SCHIP1: variants seen among roughly 807,000 people sequenced by gnomAD.
The protein encoded by SCHIP1 is schwannomin interacting protein 1.
SCHIP1 carries 8 observed loss-of-function variants against 29.7 expected under a neutral mutation model. That is an observed-to-expected ratio of 0.27 (90% CI 0.16 to 0.49). The LOEUF (loss-of-function observed/expected upper bound fraction) is 0.49. Among genes scored for constraint, SCHIP1 ranks in the 20% least tolerant of loss-of-function variants. The pLI is 0.99. For missense variants in SCHIP1, 193 were observed against 294.6 expected (o/e 0.66, Z 2.52); for synonymous variants, 76 against 94.9 (o/e 0.80, Z 1.16).
the SCHIP1 span, among the ~76,000 whole-genome samples, chr3:159,751,711 AT>A: frequency 5.3e-5 from 8 of 151,800 alleles, no homozygotes; most frequent in African/African-American, 1.9e-4. Context: ...TGCCCAGCTA[AT>A]TTTTTTGTAT....
At chr3:159,849,241 A>G (rs9851155) in intron 1 of SCHIP1, among the ~76,000 whole-genome samples, 9,093 of 152,178 alleles carry the variant, frequency 0.06, 855 homozygotes, top group African/African-American at 0.2. Context: ...CTATATTACT[A>G]GTACACATAT....
At chr3:159,745,210 C>A in the SCHIP1 span, among the ~76,000 whole-genome samples, 1 of 152,224 alleles carries the variant, frequency 6.6e-6, no homozygotes, top group Non-Finnish European at 1.5e-5. Context: ...AAGTTCCCTG[C>A]ATTTGGTTCC....
chr3:159,797,576 C>CTT, the SCHIP1 span, among the ~76,000 whole-genome samples: 3,689 of 145,356 alleles, frequency 0.025, 59 homozygotes, highest in Middle Eastern at 0.035. Flanking sequence ...ATTTAAAGAT[C>CTT]TTTTTTTTTT....
the SCHIP1 span, among the ~76,000 whole-genome samples, chr3:159,461,438 G>A: frequency 6.6e-6 from 1 of 151,884 alleles, no homozygotes; most frequent in Non-Finnish European, 1.5e-5. Flanking sequence ...GAAAACAAGT[G>A]GCTGAAGAAA....
At chr3:159,877,084 C>T (rs939931491) in intron 2 of SCHIP1, among the ~76,000 whole-genome samples, 10 of 152,204 alleles carry the variant, frequency 6.6e-5, no homozygotes, top group Admixed American at 2.0e-4. Flanking sequence ...AGCAGTGGCT[C>T]ACGCCTGTAA....
the SCHIP1 span, among the ~76,000 whole-genome samples, chr3:159,663,218 T>G: frequency 1.3e-5 from 2 of 152,190 alleles, no homozygotes; most frequent in East Asian, 1.9e-4. Flanking sequence ...TGAGTGTAAA[T>G]GAATGTCCTT....
At chr3:159,388,177 G>A in the SCHIP1 span, among the ~76,000 whole-genome samples, 1 of 152,030 alleles carries the variant, frequency 6.6e-6, no homozygotes, top group Non-Finnish European at 1.5e-5. Flanking sequence ...TTTTTATAAG[G>A]AGTATGAAAC....
At chr3:159,773,166 G>A in the SCHIP1 span, among the ~76,000 whole-genome samples, 3 of 152,172 alleles carry the variant, frequency 2.0e-5, no homozygotes, top group African/African-American at 7.2e-5. Flanking sequence ...GGGCGTTTGC[G>A]GGTGCTTTTC....
the SCHIP1 span, among the ~76,000 whole-genome samples, chr3:159,629,550 T>C: frequency 6.6e-6 from 1 of 152,158 alleles, no homozygotes; most frequent in Admixed American, 6.5e-5. Flanking sequence ...CAGCAAATTG[T>C]GATTTCCAGA....
At chr3:159,764,716 C>T in the SCHIP1 span, 2 of 1,575,316 alleles carry the variant, frequency 1.3e-6, no homozygotes, top group Admixed American at 3.6e-5. This position sits in a 1 kb window ranked among gnomAD's most constrained non-coding sequence, Gnocchi z 6.1. Flanking sequence ...GCGAGGGTAC[C>T]GGGATGACCG....
At chr3:159,384,606 G>A in the SCHIP1 span, among the ~76,000 whole-genome samples, 2 of 151,848 alleles carry the variant, frequency 1.3e-5, no homozygotes, top group African/African-American at 4.8e-5. Context: ...TGTGGTATCA[G>A]GATGATGCTG....
the SCHIP1 span, among the ~76,000 whole-genome samples, chr3:159,380,254 A>G: frequency 6.6e-6 from 1 of 152,178 alleles, no homozygotes. Flanking sequence ...ATCGATGGGC[A>G]TTGGGTTGTA....
chr3:159,596,068 AT>A, the SCHIP1 span, among the ~76,000 whole-genome samples: 1 of 152,242 alleles, frequency 6.6e-6, no homozygotes, highest in Non-Finnish European at 1.5e-5. Flanking sequence ...CAAAGGGCTA[AT>A]ATCCAGAATC....
the SCHIP1 span, among the ~76,000 whole-genome samples, chr3:159,568,757 G>GTAATTTTCTATATCCT: frequency 2.6e-4 from 39 of 152,182 alleles, no homozygotes; most frequent in Admixed American, 7.2e-4. Flanking sequence ...TTATGTTGTT[G>GTAATTTTCTATATCCT]TAATTTTCTA....
chr3:159,773,484 C>A, the SCHIP1 span, among the ~76,000 whole-genome samples: 1 of 152,068 alleles, frequency 6.6e-6, no homozygotes. Flanking sequence ...GACCTGTGCC[C>A]CCACTTCAGT....
the SCHIP1 span, among the ~76,000 whole-genome samples, chr3:159,379,543 C>T: frequency 6.6e-6 from 1 of 152,108 alleles, no homozygotes; most frequent in African/African-American, 2.4e-5. Flanking sequence ...TTTAATTCCC[C>T]CAACAGATAT....
chr3:159,813,668 A>G, the SCHIP1 span, among the ~76,000 whole-genome samples: 1 of 151,804 alleles, frequency 6.6e-6, no homozygotes. Flanking sequence ...AGCCTGGGCA[A>G]CAGAGTGAGA....
chr3:159,837,113 T>G (rs1472096224), upstream of SCHIP1, among the ~76,000 whole-genome samples: 1 of 152,098 alleles, frequency 6.6e-6, no homozygotes, highest in Non-Finnish European at 1.5e-5. Flanking sequence ...GTTTAGACTT[T>G]TTTTTTTTTA....
At chr3:159,424,170 G>A in the SCHIP1 span, among the ~76,000 whole-genome samples, 54,243 of 151,860 alleles carry the variant, frequency 0.36, 11,507 homozygotes, top group Non-Finnish European at 0.48. Context: ...TTCCTCACCA[G>A]CAATGGAACA....
Sources: gnomAD v4.1 joint callset for allele counts (sites outside exome capture counted in the v4.1 genomes callset) on GRCh38, gnomAD v4.1.1 for gene constraint, Gnocchi (gnomAD v3.1) non-coding constraint, MANE v1.5 for transcripts, NCBI Gene and HGNC (gene_info 2026-07-23, HGNC 2026-07-21) for gene names.